ENOX1: variants seen among roughly 807,000 people sequenced by gnomAD.
ENOX1 encodes the protein ecto-NOX disulfide-thiol exchanger 1.
Under a neutral mutation model 82.5 loss-of-function variants are expected in ENOX1, and 42 were observed. The ratio of observed to expected loss-of-function variants is 0.51; its 90% CI spans 0.40 to 0.66. The LOEUF is 0.66. ENOX1 is among the 30% of genes least tolerant of loss of function. The probability of loss-of-function intolerance (pLI) is 0.00; values close to 1 mark genes in which losing one functional copy is unlikely to be tolerated. For synonymous variants in ENOX1, 271 were observed against 282.2 expected (o/e 0.96, Z 0.40); for missense variants, 608 against 811.6 (o/e 0.75, Z 3.05).
intron 1 of ENOX1, among the ~76,000 whole-genome samples, chr13:43,681,566 C>T (rs1338325682): frequency 1.3e-5 from 2 of 151,272 alleles, no homozygotes; most frequent in East Asian, 1.9e-4. Flanking sequence ...TTATTATTGA[C>T]TTTATTGCTT....
At chr13:43,518,246 G>T (rs570156202) in intron 2 of ENOX1, among the ~76,000 whole-genome samples, 1 of 152,020 alleles carries the variant, frequency 6.6e-6, no homozygotes, top group African/African-American at 2.4e-5. Context: ...CAGGAAGTGT[G>T]TTGTGAGAAC....
rs200097295 is a variant in ENOX1, at chr13:43,273,538, A to G, written c.1447-3961T>C. Among the ~76,000 whole-genome samples the G allele has an allele frequency of 2.4e-4, 37 of 152,176 alleles. No individual in the cohort carries two copies. In the East Asian group the frequency reaches 6.2e-3, roughly 25 times the overall value. ...TATTCCTACTCATTCTTTAAGCACCACCTCAAATGTTGCTTTTGGCCCAAG... is the reference window on the plus strand; with the variant it reads ...TATTCCTACTCATTCTTTAAGCACCGCCTCAAATGTTGCTTTTGGCCCAAG... On this transcript the variant is annotated intron_variant, in intron 12 of 16. Transcript: ENST00000690772.
At chr13:43,706,766 A>T (rs2087322156) in intron 1 of ENOX1, among the ~76,000 whole-genome samples, 1 of 152,006 alleles carries the variant, frequency 6.6e-6, no homozygotes, top group South Asian at 2.1e-4. Flanking sequence ...AAACTATCTA[A>T]AAAAAATCTC....
At chr13:43,533,906 G>T (rs2078338021) in intron 2 of ENOX1, among the ~76,000 whole-genome samples, 1 of 152,078 alleles carries the variant, frequency 6.6e-6, no homozygotes, top group South Asian at 2.1e-4. Context: ...GGATATCCTT[G>T]CCAGAATGCT....
chr13:43,679,897 C>T (rs2085701478), intron 1 of ENOX1, among the ~76,000 whole-genome samples: 1 of 152,194 alleles, frequency 6.6e-6, no homozygotes, highest in African/African-American at 2.4e-5. Flanking sequence ...ACCTGAATAC[C>T]ATATACAAGA....
chr13:43,495,255 T>C (rs1234001306), intron 2 of ENOX1, among the ~76,000 whole-genome samples: 1 of 152,166 alleles, frequency 6.6e-6, no homozygotes, highest in Non-Finnish European at 1.5e-5. Flanking sequence ...CTTTGATAAA[T>C]ATACCTTCCC....
At chr13:43,459,162 T>C (rs1292934728) in intron 3 of ENOX1, 1 of 152,234 alleles carries the variant, frequency 6.6e-6, no homozygotes, top group Non-Finnish European at 1.5e-5. Context: ...TATTTTATCT[T>C]GTCCCTATGT....
At chr13:43,333,318 A>C (rs1489095800) in intron 9 of ENOX1, among the ~76,000 whole-genome samples, 2 of 152,226 alleles carry the variant, frequency 1.3e-5, no homozygotes, top group African/African-American at 4.8e-5. Context: ...AACAGTGCAT[A>C]ATCAAATTTA....
chr13:43,664,997 T>C (rs772566736), intron 2 of ENOX1, among the ~76,000 whole-genome samples: 1 of 152,222 alleles, frequency 6.6e-6, no homozygotes, highest in Non-Finnish European at 1.5e-5. Context: ...CAAAATCTCC[T>C]GCGGGGCTGG....
At chr13:43,474,471 C>A (rs2058198771) in intron 3 of ENOX1, among the ~76,000 whole-genome samples, 1 of 152,134 alleles carries the variant, frequency 6.6e-6, no homozygotes, top group African/African-American at 2.4e-5. Flanking sequence ...CACTTACTAG[C>A]TTTGTTTTTT....
chr13:43,450,577 C>T (rs2056911890), intron 3 of ENOX1, among the ~76,000 whole-genome samples: 1 of 152,030 alleles, frequency 6.6e-6, no homozygotes, highest in Non-Finnish European at 1.5e-5. Flanking sequence ...AAAGAACAGG[C>T]AAGACAGAGT....
chr13:43,650,399 T>C (rs1218115978), intron 2 of ENOX1, among the ~76,000 whole-genome samples: 4 of 152,174 alleles, frequency 2.6e-5, no homozygotes. Flanking sequence ...AGTTCACTGA[T>C]CCCTGCGTTA....
At chr13:43,616,078 G>T (rs2153742203) in intron 2 of ENOX1, among the ~76,000 whole-genome samples, 2 of 34,788 alleles carry the variant, frequency 5.7e-5, no homozygotes, top group Non-Finnish European at 6.6e-5. Flanking sequence ...CTTTAAGTTT[G>T]ACATTATATA....
At chr13:43,496,534 C>G (rs542632268) in intron 2 of ENOX1, among the ~76,000 whole-genome samples, 2 of 152,026 alleles carry the variant, frequency 1.3e-5, no homozygotes, top group South Asian at 4.1e-4. Flanking sequence ...TGATGTGCAC[C>G]ACCATGCTCA....
At chr13:43,292,852 A>T (rs2046079083) in intron 12 of ENOX1, among the ~76,000 whole-genome samples, 1 of 151,588 alleles carries the variant, frequency 6.6e-6, no homozygotes, top group South Asian at 2.1e-4. Flanking sequence ...CACAGTCACC[A>T]TTTCTACCCC....
intron 5 of ENOX1, among the ~76,000 whole-genome samples, chr13:43,362,188 CACTT>C (rs2050566997): frequency 7.0e-6 from 1 of 142,696 alleles, no homozygotes; most frequent in Non-Finnish European, 1.6e-5. Context: ...CACACACACA[CACTT>C]GAAAATAGAA....
At chr13:43,508,904 T>C (rs945842331) in intron 2 of ENOX1, among the ~76,000 whole-genome samples, 1 of 152,028 alleles carries the variant, frequency 6.6e-6, no homozygotes, top group African/African-American at 2.4e-5. Flanking sequence ...TCCTATACTC[T>C]TTAATTTTTA....
intron 14 of ENOX1, among the ~76,000 whole-genome samples, chr13:43,239,133 A>G (rs886600778): frequency 2.0e-5 from 3 of 152,152 alleles, no homozygotes; most frequent in East Asian, 3.9e-4. Flanking sequence ...GTATGGAGAG[A>G]TAAGAGTCTT....
chr13:43,224,790 T>C (rs1411976413), intron 15 of ENOX1, among the ~76,000 whole-genome samples: 2 of 152,188 alleles, frequency 1.3e-5, no homozygotes, highest in Non-Finnish European at 2.9e-5. Context: ...TGATTATAAA[T>C]TATAAGGCTC....
Sources: gnomAD v4.1 joint callset for allele counts (sites outside exome capture counted in the v4.1 genomes callset) on GRCh38, gnomAD v4.1.1 for gene constraint, MANE v1.5 for transcripts, NCBI Gene and HGNC (gene_info 2026-07-23, HGNC 2026-07-21) for gene names.